ACYP2: variants seen among roughly 807,000 people sequenced by gnomAD.
ACYP2 encodes acylphosphatase-2.
ACYP2 carries 12 observed loss-of-function variants against 11.2 expected under a neutral mutation model. That is an observed-to-expected ratio of 1.08 (90% confidence interval 0.69 to 1.74). The LOEUF (loss-of-function observed/expected upper bound fraction) is 1.74, where lower values mean the gene tolerates loss of function less well. Ranked by LOEUF, ACYP2 falls within the 40% of genes most tolerant of loss-of-function variation. The pLI is 0.00. For synonymous variants in ACYP2, 43 were observed against 32.2 expected (o/e 1.33, Z -1.13); for missense variants, 134 against 101.9 (o/e 1.31, Z -1.35).
chr2:54,219,775 C>T (rs1685702594), intron 6 of ACYP2, among the ~76,000 whole-genome samples: 1 of 149,960 alleles, frequency 6.7e-6, no homozygotes, highest in Admixed American at 6.6e-5. Context: ...TGCGCCACCA[C>T]ACCCAGCTAA....
chr2:54,088,712 T>C (rs1313130753), intron 4 of ACYP2, among the ~76,000 whole-genome samples: 2 of 152,228 alleles, frequency 1.3e-5, no homozygotes, highest in African/African-American at 4.8e-5. Context: ...ATTGAGACTG[T>C]GGCTTAAAGT....
intron 6 of ACYP2, among the ~76,000 whole-genome samples, chr2:54,155,689 A>G (rs938826046): frequency 4.6e-5 from 7 of 152,230 alleles, no homozygotes; most frequent in African/African-American, 1.4e-4. Flanking sequence ...TCCCTGGTGC[A>G]TAGAGCCATT....
intron 2 of ACYP2, among the ~76,000 whole-genome samples, chr2:54,001,211 C>G (rs749400211): frequency 5.9e-5 from 9 of 151,930 alleles, no homozygotes; most frequent in Non-Finnish European, 1.0e-4. Context: ...TAAGAATTAG[C>G]TGGGCATGGT....
At chr2:54,053,558 A>G (rs1007752322) in intron 3 of ACYP2, among the ~76,000 whole-genome samples, 2 of 152,032 alleles carry the variant, frequency 1.3e-5, no homozygotes, top group Non-Finnish European at 2.9e-5. Context: ...CCCTGTGTAC[A>G]CCCAGCTTGC....
chr2:54,277,079 C>G (rs1688630161), intron 6 of ACYP2, among the ~76,000 whole-genome samples: 1 of 152,116 alleles, frequency 6.6e-6, no homozygotes, highest in South Asian at 2.1e-4. Context: ...ACGTACAATG[C>G]TGTAATGACC....
At chr2:54,094,511 G>A (rs944656121) in intron 4 of ACYP2, among the ~76,000 whole-genome samples, 1 of 151,802 alleles carries the variant, frequency 6.6e-6, no homozygotes, top group Non-Finnish European at 1.5e-5. Flanking sequence ...TTACAGGTGT[G>A]AGCCACCATG....
In ACYP2 at chr2:54,304,735, G is replaced by A. The variant is rs756400058; in HGVS notation, c.452G>A (p.Arg151His). The stretch of plus-strand genomic sequence containing the variant: ...GGAAGCCCTAGTTCTCGCATTGACC[G>A]CACAAACTTTTCTAATGAAAAAACC... The change falls in exon 7 of 7, where the codon CGC becomes CAC. Residue 151 changes from arginine (R) to histidine (H), a missense_variant. Arg to His is a conservative substitution (Grantham distance 29, BLOSUM62 0). Coordinates refer to ENST00000607452, the MANE Select transcript of ACYP2 (RefSeq NM_001320586.2). 21 of 1,611,680 alleles carry A rather than the reference G, an allele frequency of 1.3e-5. No homozygotes were observed. Among genetic ancestry groups the A allele is most frequent in the East Asian group, 2.2e-5 (1 of 44,836 alleles).
chr2:54,025,898 A>C (rs577608505), intron 2 of ACYP2, among the ~76,000 whole-genome samples: 1 of 151,870 alleles, frequency 6.6e-6, no homozygotes, highest in African/African-American at 2.4e-5. Context: ...GGAATTTGAG[A>C]CTGAGGTCAG....
At chr2:54,076,384 G>A (rs542870128) in intron 4 of ACYP2, among the ~76,000 whole-genome samples, 128 of 152,240 alleles carry the variant, frequency 8.4e-4, no homozygotes, top group African/African-American at 2.8e-3. Context: ...TCCTTATTTT[G>A]TAGATTGCAG....
chr2:54,022,844 G>T (rs552965604), intron 2 of ACYP2, among the ~76,000 whole-genome samples: 1 of 152,128 alleles, frequency 6.6e-6, no homozygotes, highest in African/African-American at 2.4e-5. Flanking sequence ...GAATCCGAAT[G>T]GACAGGCCTT....
chr2:54,053,720 G>C (rs1176228104), intron 3 of ACYP2, among the ~76,000 whole-genome samples: 2 of 152,178 alleles, frequency 1.3e-5, no homozygotes, highest in Admixed American at 1.3e-4. Context: ...CTCCAAGTTT[G>C]TCCTTTTTTG....
intron 6 of ACYP2, among the ~76,000 whole-genome samples, chr2:54,172,723 T>C (rs1683269725): frequency 6.6e-6 from 1 of 152,156 alleles, no homozygotes; most frequent in African/African-American, 2.4e-5. Flanking sequence ...CAGGCCCCTG[T>C]GTGTGATGTT....
chr2:54,013,252 A>AAT (rs202163027), intron 2 of ACYP2, among the ~76,000 whole-genome samples: 1,826 of 38,670 alleles, frequency 0.047, 105 homozygotes, highest in African/African-American at 0.11. Context: ...ACCACCATCT[A>AAT]ATATGTGTGT....
At chr2:54,197,942 A>ACTGTACTG (rs1684571201) in intron 6 of ACYP2, among the ~76,000 whole-genome samples, 1 of 69,514 alleles carries the variant, frequency 1.4e-5, no homozygotes, top group Non-Finnish European at 3.3e-5. Flanking sequence ...TGTATGTATT[A>ACTGTACTG]TATTGTATTG....
intron 4 of ACYP2, among the ~76,000 whole-genome samples, chr2:54,125,030 G>T (rs780486496): frequency 3.7e-4 from 56 of 152,160 alleles, no homozygotes; most frequent in South Asian, 1.9e-3. Flanking sequence ...TGGGATTACA[G>T]GCATGAGCCA....
At chr2:54,131,414 C>T (rs1368538682) in intron 4 of ACYP2, among the ~76,000 whole-genome samples, 2 of 152,202 alleles carry the variant, frequency 1.3e-5, no homozygotes, top group African/African-American at 4.8e-5. Flanking sequence ...CGTTGCTCTT[C>T]ACTGAGGGGC....
In ACYP2 at chr2:54,135,482, A is replaced by G; in HGVS notation, c.294+13A>G. 1.2e-6 allele frequency: 2 copies of G among 1,602,926 alleles called. No individual in the cohort carries two copies. Among genetic ancestry groups the G allele is most frequent in the Admixed American group, 1.7e-5 (1 of 58,792 alleles). On this transcript the variant is annotated intron_variant, in intron 5 of 6. Transcript: ENST00000607452. ...TTGCTTCAGAATGGTAAGTCAGTAC[A>G]ATCTTTATTATTTTGCTATTTTTTT... is the stretch of plus-strand genomic sequence containing the variant.
At chr2:54,217,352 C>T (rs1685600145) in intron 6 of ACYP2, among the ~76,000 whole-genome samples, 1 of 152,054 alleles carries the variant, frequency 6.6e-6, no homozygotes, top group African/African-American at 2.4e-5. Context: ...TTGGACAGCA[C>T]AGCTCTAGGT....
At chr2:54,179,357 A>G (rs115361548) in intron 6 of ACYP2, among the ~76,000 whole-genome samples, 2,149 of 152,248 alleles carry the variant, frequency 0.014, 16 homozygotes, top group Middle Eastern at 0.034. Flanking sequence ...CTACTTGGAG[A>G]TAGCATCAGA....
Sources: gnomAD v4.1 joint callset for allele counts (sites outside exome capture counted in the v4.1 genomes callset) on GRCh38, gnomAD v4.1.1 for gene constraint, MANE v1.5 for transcripts, NCBI Gene and HGNC (gene_info 2026-07-23, HGNC 2026-07-21) for gene names.